ROCK1: variants seen among roughly 807,000 people sequenced by gnomAD.
The protein encoded by ROCK1 is Rho associated coiled-coil containing protein kinase 1, also known as rho-associated protein kinase 1.
In ROCK1, 36 loss-of-function variants were observed where a neutral mutation model predicts 196.8. The ratio of observed to expected loss-of-function variants is 0.18; its 90% CI spans 0.14 to 0.24. The LOEUF (loss-of-function observed/expected upper bound fraction) is 0.24, where lower values mean the gene tolerates loss of function less well. Among genes scored for constraint, ROCK1 ranks in the 10% least tolerant of loss-of-function variants. The pLI is 1.00. For synonymous variants in ROCK1, 443 were observed against 515.9 expected (o/e 0.86, Z 1.91); for missense variants, 920 against 1,562.0 (o/e 0.59, Z 6.93).
At chr18:20,969,071 CT>C in intron 24 of ROCK1, 43 bp downstream of exon 24, 1 of 1,263,996 alleles carries the variant, frequency 7.9e-7, no homozygotes, top group Non-Finnish European at 1.1e-6. Flanking sequence ...AGATAAATCA[CT>C]GAATTTGATT....
chr18:21,071,710 G>A (rs772159386), intron 1 of ROCK1, among the ~76,000 whole-genome samples: 4 of 151,958 alleles, frequency 2.6e-5, no homozygotes, highest in South Asian at 2.1e-4. Flanking sequence ...TGGTTTTTGC[G>A]TGATGCTTAA....
At chr18:20,961,818 CTTT>C (rs11334095) in intron 27 of ROCK1, among the ~76,000 whole-genome samples, 1 of 117,198 alleles carries the variant, frequency 8.5e-6, no homozygotes, top group Non-Finnish European at 1.7e-5. Context: ...TTTCTTTTTC[CTTT>C]TTTTTTTTTT....
At chr18:21,065,824 T>C (rs537790817) in intron 2 of ROCK1, among the ~76,000 whole-genome samples, 1 of 152,312 alleles carries the variant, frequency 6.6e-6, no homozygotes, top group Admixed American at 6.5e-5. Flanking sequence ...TATATTTCAC[T>C]ATTCAGTCAA....
intron 11 of ROCK1, 49 bp downstream of exon 11, chr18:21,023,571 C>A: frequency 9.8e-7 from 1 of 1,024,212 alleles, no homozygotes; most frequent in Non-Finnish European, 1.4e-6. Flanking sequence ...ATATATTATC[C>A]ACAAAACAAT....
chr18:21,101,523 G>A (rs1189511207), intron 1 of ROCK1, among the ~76,000 whole-genome samples: 1 of 152,178 alleles, frequency 6.6e-6, no homozygotes, highest in Admixed American at 6.5e-5. Context: ...GAAAATACAG[G>A]AAGAAGTTAA....
chr18:21,092,881 T>C (rs948727142), intron 1 of ROCK1, among the ~76,000 whole-genome samples: 1 of 152,156 alleles, frequency 6.6e-6, no homozygotes, highest in Non-Finnish European at 1.5e-5. Context: ...AAGGTCCAAG[T>C]GTATCTCAGT....
At position 21,058,831 on chromosome 18, in the gene ROCK1, G is replaced by A. The variant is rs144092119; in HGVS notation, c.176-8951C>T. Among the ~76,000 whole-genome samples the A allele has an allele frequency of 2.1e-3, 317 of 152,084 alleles. 3 individuals are homozygous for A. The highest frequency in any genetic ancestry group is 7.4e-3 in the African/African-American group (306 of 41,490). ...TGGGCTCAAGTGATCTACCTGCCTC[G>A]GCCTCCGAAAGTGCTGAGATTACAG... On this transcript the variant is annotated intron_variant, in intron 2 of 32. Coordinates refer to ENST00000399799, the MANE Select transcript of ROCK1 (RefSeq NM_005406.3).
In ROCK1 at chr18:20,951,538, A is replaced by G. The variant is rs536782651; in HGVS notation, c.4062-151T>C. ...ATTTGGAAAACAAGGAATAGGAAAAATATACTTAGTATTCTCTCCTCTTTG... is the reference window on the plus strand; with the variant it reads ...ATTTGGAAAACAAGGAATAGGAAAAGTATACTTAGTATTCTCTCCTCTTTG... On this transcript the variant is annotated intron_variant, in intron 32 of 32. Transcript: ENST00000399799. The G allele has an allele frequency of 2.5e-5, 13 of 515,760 alleles. No homozygotes were observed. In the East Asian group the frequency reaches 3.7e-4, roughly 15 times the overall value. 31.9% of individuals were successfully genotyped at this position (515,760 alleles called of 1,614,324 possible). A position where few individuals can be genotyped will look rare whatever the true frequency, so the allele number is the denominator to read the frequency against.
At chr18:21,034,839 G>A (rs948306646) in intron 9 of ROCK1, among the ~76,000 whole-genome samples, 4 of 152,114 alleles carry the variant, frequency 2.6e-5, no homozygotes, top group South Asian at 2.1e-4. Context: ...TAATAACAGA[G>A]TGCAGAGAAT....
At chr18:21,055,141 G>C (rs1293956494) in intron 2 of ROCK1, among the ~76,000 whole-genome samples, 1 of 152,072 alleles carries the variant, frequency 6.6e-6, no homozygotes, top group African/African-American at 2.4e-5. Context: ...TTGGCAAAAC[G>C]ACAATCCTAT....
chr18:21,035,687 C>T (rs566627938), intron 9 of ROCK1, among the ~76,000 whole-genome samples: 1 of 152,174 alleles, frequency 6.6e-6, no homozygotes, highest in East Asian at 1.9e-4. Flanking sequence ...AAAGAGATAG[C>T]AATCTTAAGT....
chr18:21,101,030 T>A (rs1201869405), intron 1 of ROCK1, among the ~76,000 whole-genome samples: 1 of 152,232 alleles, frequency 6.6e-6, no homozygotes, highest in African/African-American at 2.4e-5. Context: ...GTTTGTGGCA[T>A]ATCTATCATA....
chr18:20,992,980 A>G, intron 16 of ROCK1, 43 bp from the exon 17 acceptor site: 1 of 1,247,480 alleles, frequency 8.0e-7, no homozygotes, highest in South Asian at 1.3e-5. Flanking sequence ...TCATTGAAAG[A>G]AGTCTTTTTG....
chr18:21,049,308 T>G (rs2036185316), intron 3 of ROCK1, 79 bp from the exon 4 acceptor site: 2 of 1,104,274 alleles, frequency 1.8e-6, no homozygotes, highest in South Asian at 4.4e-5. Context: ...ATTTACTAAG[T>G]GCTTTTAATA....
intron 22 of ROCK1, 108 bp downstream of exon 22, chr18:20,979,800 CTG>C (rs1281384337): frequency 7.8e-7 from 1 of 1,286,368 alleles, no homozygotes; most frequent in Non-Finnish European, 1.0e-6. Flanking sequence ...GCCCAATAAA[CTG>C]TGTTCTATAC....
At chr18:21,006,876 T>C in intron 14 of ROCK1, 86 bp from the exon 15 acceptor site, 1 of 973,326 alleles carries the variant, frequency 1.0e-6, no homozygotes, top group Non-Finnish European at 1.5e-6. Flanking sequence ...AGACATTTAG[T>C]CTTAGGCCAT....
chr18:20,987,308 AAATAT>A (rs1410736818), intron 18 of ROCK1, among the ~76,000 whole-genome samples, 198 bp from the exon 19 acceptor site: 2 of 152,222 alleles, frequency 1.3e-5, no homozygotes, highest in African/African-American at 4.8e-5. Context: ...AGGAGTTATA[AAATAT>A]AATACAGTAA....
intron 1 of ROCK1, among the ~76,000 whole-genome samples, chr18:21,095,178 T>C (rs533814082): frequency 1.3e-5 from 2 of 150,364 alleles, no homozygotes; most frequent in South Asian, 4.2e-4. Flanking sequence ...CCAGTTAAAG[T>C]AGCTTTTTTT....
At chr18:21,051,158 A>C (rs1163671391) in intron 2 of ROCK1, among the ~76,000 whole-genome samples, 1 of 152,192 alleles carries the variant, frequency 6.6e-6, no homozygotes, top group Non-Finnish European at 1.5e-5. Flanking sequence ...AGAATGAAAG[A>C]AAGAACAGGC....
Sources: gnomAD v4.1 joint callset for allele counts (sites outside exome capture counted in the v4.1 genomes callset) on GRCh38, gnomAD v4.1.1 for gene constraint, MANE v1.5 for transcripts, NCBI Gene and HGNC (gene_info 2026-07-23, HGNC 2026-07-21) for gene names.